The following CFLAR variants were observed in gnomAD, a reference collection of about 807,000 sequenced individuals.
The protein encoded by CFLAR is CASP8 and FADD-like apoptosis regulator.
CFLAR carries 14 observed loss-of-function variants against 51.1 expected under a neutral mutation model. That is an observed-to-expected ratio of 0.27 (90% CI 0.18 to 0.43). The LOEUF (loss-of-function observed/expected upper bound fraction) is 0.43. Among genes scored for constraint, CFLAR ranks in the 20% least tolerant of loss-of-function variants. The pLI is 1.00. For synonymous variants in CFLAR, 210 were observed against 211.6 expected (o/e 0.99, Z 0.06); for missense variants, 390 against 566.5 (o/e 0.69, Z 3.16).
chr2:201,120,889 A>G (rs543146978), intron 1 of CFLAR, among the ~76,000 whole-genome samples: 6 of 152,332 alleles, frequency 3.9e-5, no homozygotes, highest in African/African-American at 1.4e-4. Flanking sequence ...TTGCTTGAAT[A>G]CTATCTAGTG....
intron 2 of CFLAR, chr2:201,132,701 G>C (rs2049493882): frequency 4.3e-6 from 1 of 229,960 alleles, no homozygotes; most frequent in South Asian, 1.7e-4. Flanking sequence ...TAGTCATTTG[G>C]GTTCTTAAGT....
intron 1 of CFLAR, 155 bp from the exon 2 acceptor site, chr2:201,129,574 A>C (rs1049308006): frequency 6.3e-5 from 27 of 428,882 alleles, no homozygotes; most frequent in Middle Eastern, 1.2e-3. Context: ...TCTGTCTACC[A>C]AGGATCCCTT....
At chr2:201,152,641 G>T (rs993714869) in intron 8 of CFLAR, among the ~76,000 whole-genome samples, 2 of 152,214 alleles carry the variant, frequency 1.3e-5, no homozygotes, top group Admixed American at 6.5e-5. Context: ...AGGCCCAAGG[G>T]TGAGTGGAAT....
intron 5 of CFLAR, among the ~76,000 whole-genome samples, chr2:201,143,885 C>G (rs1453365965): frequency 1.3e-5 from 2 of 152,006 alleles, no homozygotes; most frequent in Non-Finnish European, 2.9e-5. Context: ...TCACTTGAAC[C>G]CAGGCGGCAG....
chr2:201,152,987 A>C (rs1217828253), intron 8 of CFLAR: 1 of 152,282 alleles, frequency 6.6e-6, no homozygotes, highest in Non-Finnish European at 1.5e-5. Context: ...CAAGAATCAG[A>C]ATGGCAGCTC....
At position 201,168,824 on chromosome 2, in the gene CFLAR, A is replaced by G. The variant is rs957321815; in HGVS notation, c.*4851A>G. 6.6e-6 allele frequency: 1 copy of G among 152,156 alleles called. No individual in the cohort carries two copies. The highest frequency in any genetic ancestry group is 1.5e-5 in the Non-Finnish European group (1 of 68,024). The allele number at this position is 152,156 out of a possible 1,614,324, so 9.4% of individuals were successfully genotyped here. A position where few individuals can be genotyped will look rare whatever the true frequency, so the allele number is the denominator to read the frequency against. Reference sequence around the variant, plus strand: ...CACAAGCATTCTATACACCAACAATACACAAGCAGAGAGCCAAATCATGAA... The same window carrying G: ...CACAAGCATTCTATACACCAACAATGCACAAGCAGAGAGCCAAATCATGAA... On this transcript the variant is annotated 3_prime_UTR_variant, in exon 10 of 10. Coordinates refer to ENST00000309955, the MANE Select transcript of CFLAR (RefSeq NM_003879.7).
At chr2:201,139,992 C>A in intron 4 of CFLAR, 1 of 284,354 alleles carries the variant, frequency 3.5e-6, no homozygotes, top group South Asian at 2.8e-5. Context: ...TCCTCGACCA[C>A]GTAGCCGGTG....
Position 201,162,247 on chromosome 2 carries a change from C to T in CFLAR, c.1304+1305C>T, listed in dbSNP as rs541717530. On this transcript the variant is annotated intron_variant, in intron 9 of 9. Transcript: ENST00000309955. ...TCTCCTGAGTAGCTGGGACTACAGG[C>T]GCACACCACTACGGCTTTGCTAATT... Among the ~76,000 whole-genome samples, 293 of 151,956 alleles carry T rather than the reference C, an allele frequency of 1.9e-3. 2 individuals carry two copies. The highest frequency in any genetic ancestry group is 6.9e-3 in the African/African-American group (284 of 41,434).
chr2:201,166,297 A>T lies in CFLAR; in HGVS notation c.*2324A>T. The T allele has an allele frequency of 6.2e-6, 1 of 160,928 alleles. No individual in the cohort carries two copies. The highest frequency in any genetic ancestry group is 1.3e-5 in the Non-Finnish European group (1 of 74,540). The allele number at this position is 160,928 out of a possible 1,614,324, so 10.0% of individuals were successfully genotyped here. A position where few individuals can be genotyped will look rare whatever the true frequency, so the allele number is the denominator to read the frequency against. On this transcript the variant is annotated 3_prime_UTR_variant, in exon 10 of 10. Coordinates refer to ENST00000309955, the MANE Select transcript of CFLAR (RefSeq NM_003879.7). Reference sequence around the variant, plus strand: ...CTCCCTCCCGGACGGGGCGGCTGCCAGGCGGAGGGGCTCCTCACTTCTCAG... The same window carrying T: ...CTCCCTCCCGGACGGGGCGGCTGCCTGGCGGAGGGGCTCCTCACTTCTCAG...
In CFLAR at chr2:201,160,861, C is replaced by T. The variant is rs144691244; in HGVS notation, c.1223C>T (p.Ala408Val). 2.8e-5 allele frequency: 45 copies of T among 1,612,544 alleles called. No homozygotes were observed. The highest frequency in any genetic ancestry group is 1.2e-4 in the African/African-American group (9 of 74,938). Residue 408 changes from alanine to valine, a missense_variant, in exon 9 of 10, where the codon GCG becomes GTG. This residue lies in a region of CFLAR where 287 missense variants were observed against 363.6 expected (regional missense o/e 0.79). Transcript: ENST00000309955. ...EADFFWSLCT[A>V]DMSLLEQSHS... ...GACTTCTTCTGGAGCCTGTGTACTG[C>T]GGACATGTCCCTGCTGGAGCAGTCT...
intron 4 of CFLAR, chr2:201,137,355 G>C (rs2050277326): frequency 2.9e-6 from 1 of 345,512 alleles, no homozygotes; most frequent in Non-Finnish European, 5.6e-6. Context: ...CCCAGCAAGG[G>C]GGGCTGCAGA....
chr2:201,163,316 T>C lies in CFLAR; in HGVS notation c.1305-519T>C, dbSNP rs1240222765. 4 of 1,234,650 alleles carry C rather than the reference T, an allele frequency of 3.2e-6. No individual in the cohort carries two copies. In the African/African-American group the frequency reaches 4.6e-5, roughly 14 times the overall value. The allele number at this position is 1,234,650 out of a possible 1,614,324, so 76.5% of individuals were successfully genotyped here. A position where few individuals can be genotyped will look rare whatever the true frequency, so the allele number is the denominator to read the frequency against. On this transcript the variant is annotated intron_variant, in intron 9 of 9. Coordinates refer to ENST00000309955, the MANE Select transcript of CFLAR (RefSeq NM_003879.7). ...ATTTAAGCTGAATGAAGCCACAATG[T>C]ACCTCAAGTATAAGATTAACTGGCC...
intron 1 of CFLAR, among the ~76,000 whole-genome samples, chr2:201,120,078 C>T (rs1303506085): frequency 2.9e-5 from 4 of 137,634 alleles, no homozygotes; most frequent in African/African-American, 1.1e-4. Context: ...GGCTGGAGTG[C>T]AGTGGTGATC....
rs913931703 is a variant in CFLAR at position 201,124,734 on chromosome 2, T to C, written c.-137-4995T>C. On this transcript the variant is annotated intron_variant, in intron 1 of 9. Coordinates refer to ENST00000309955, the MANE Select transcript of CFLAR (RefSeq NM_003879.7). This position sits in a 1 kb window ranked among gnomAD's most constrained non-coding sequence, Gnocchi z 4.7. ...GAACAGAATGGCTAGGGGAATGAGT[T>C]TGGATGAGAGACGGATGGTAGGCAC... Among the ~76,000 whole-genome samples, 3 of 151,984 alleles carry C rather than the reference T, an allele frequency of 2.0e-5. No individual in the cohort carries two copies. The highest frequency in any genetic ancestry group is 4.4e-5 in the Non-Finnish European group (3 of 67,986).
Position 201,174,507 on chromosome 2 carries a change from A to G in CFLAR, c.*10534A>G, listed in dbSNP as rs2125994945. 6.6e-6 allele frequency: 1 copy of G among 152,270 alleles called. No homozygotes were observed. Among genetic ancestry groups the G allele is most frequent in the South Asian group, 2.1e-4 (1 of 4,826 alleles). 9.4% of individuals were successfully genotyped at this position (152,270 alleles called of 1,614,324 possible). On this transcript the variant is annotated 3_prime_UTR_variant, in exon 10 of 10. Transcript: ENST00000309955. Reference sequence around the variant, plus strand: ...ATTGTAACTTCGTAGTAAGTTTTGGAATCCAGAAATGTAGTCCTCTAACTT... The same window carrying G: ...ATTGTAACTTCGTAGTAAGTTTTGGGATCCAGAAATGTAGTCCTCTAACTT...
At chr2:201,117,707 C>T (rs1200333464) in intron 1 of CFLAR, among the ~76,000 whole-genome samples, 2 of 142,654 alleles carry the variant, frequency 1.4e-5, no homozygotes, top group South Asian at 2.3e-4. Flanking sequence ...AATAACCTTA[C>T]AAAAGTTTCG....
intron 8 of CFLAR, chr2:201,153,458 A>G (rs1028481611): frequency 1.3e-5 from 2 of 152,202 alleles, no homozygotes; most frequent in African/African-American, 4.8e-5. Flanking sequence ...TAGGCCCAGA[A>G]TCCTGCCTTG....
Position 201,121,449 on chromosome 2 carries a change from A to T in CFLAR, c.-138+4968A>T, listed in dbSNP as rs148210724. ...GGAACCTAGAACGAGGACCCAGGCAAGAGATGAGAAACTAGGGGACAGATG... is the reference window on the plus strand; with the variant it reads ...GGAACCTAGAACGAGGACCCAGGCATGAGATGAGAAACTAGGGGACAGATG... On this transcript the variant is annotated intron_variant, in intron 1 of 9. Transcript: ENST00000309955. 6.1e-4 allele frequency among the ~76,000 whole-genome samples: 93 copies of T among 152,336 alleles called. 1 individual carries two copies. Among genetic ancestry groups the T allele is most frequent in the African/African-American group, 2.1e-3 (89 of 41,594 alleles).
Position 201,176,478 on chromosome 2 carries a change from G to A in CFLAR, c.*12505G>A, listed in dbSNP as rs1023182055. On this transcript the variant is annotated 3_prime_UTR_variant, in exon 10 of 10. Coordinates refer to ENST00000309955, the MANE Select transcript of CFLAR (RefSeq NM_003879.7). ...AACAAACCCCTTCTTTGTATACTTTGATATGGTGACATTTCTTGTCACTTG... is the reference window on the plus strand; with the variant it reads ...AACAAACCCCTTCTTTGTATACTTTAATATGGTGACATTTCTTGTCACTTG... 6.6e-5 allele frequency: 10 copies of A among 152,076 alleles called. No individual in the cohort carries two copies. The highest frequency in any genetic ancestry group is 6.6e-5 in the Admixed American group (1 of 15,264). 9.4% of individuals were successfully genotyped at this position (152,076 alleles called of 1,614,324 possible). A position where few individuals can be genotyped will look rare whatever the true frequency, so the allele number is the denominator to read the frequency against.
Sources: allele counts gnomAD v4.1 joint callset (sites outside exome capture counted in the v4.1 genomes callset), GRCh38; gene constraint gnomAD v4.1.1; regional missense constraint gnomAD v4.1.1; non-coding constraint Gnocchi (gnomAD v3.1); transcripts MANE v1.5; gene names NCBI Gene and HGNC (gene_info 2026-07-23, HGNC 2026-07-21).